NRG3: variants seen among roughly 807,000 people sequenced by gnomAD.
NRG3 encodes the protein neuregulin 3.
In NRG3, 31 loss-of-function variants were observed where a neutral mutation model predicts 66.9. The observed-to-expected ratio is 0.46, with a 90% CI of 0.35 to 0.63. The LOEUF is 0.63. Among genes scored for constraint, NRG3 ranks in the 20% least tolerant of loss-of-function variants. The pLI, the probability that NRG3 is intolerant of heterozygous loss-of-function variation, is 0.00. For synonymous variants in NRG3, 393 were observed against 359.4 expected (o/e 1.09, Z -1.06); for missense variants, 910 against 878.9 (o/e 1.04, Z -0.45).
At chr10:81,994,540 CT>C (rs61137718) in intron 1 of NRG3, among the ~76,000 whole-genome samples, 20,851 of 149,338 alleles carry the variant, frequency 0.14, 1,838 homozygotes, top group East Asian at 0.35. Flanking sequence ...CCTTTAACTG[CT>C]TTTTTTTTTC....
chr10:82,414,030 G>A (rs2088331163), intron 2 of NRG3, among the ~76,000 whole-genome samples: 1 of 152,062 alleles, frequency 6.6e-6, no homozygotes, highest in African/African-American at 2.4e-5. Flanking sequence ...GTTCATTGGA[G>A]TAGCACTTTT....
intron 2 of NRG3, among the ~76,000 whole-genome samples, chr10:82,582,882 G>A (rs1185871404): frequency 6.6e-6 from 1 of 152,076 alleles, no homozygotes; most frequent in Non-Finnish European, 1.5e-5. Context: ...CATCAAAGCA[G>A]TTTATTTTCA....
chr10:82,132,990 T>C (rs1367518567), intron 1 of NRG3, among the ~76,000 whole-genome samples: 1 of 151,992 alleles, frequency 6.6e-6, no homozygotes, highest in African/African-American at 2.4e-5. Context: ...TTTTGTTGAT[T>C]TTGTTTATTT....
chr10:82,598,834 A>G (rs2047440960), intron 2 of NRG3, among the ~76,000 whole-genome samples: 1 of 152,030 alleles, frequency 6.6e-6, no homozygotes, highest in Non-Finnish European at 1.5e-5. Context: ...CGGATCACCT[A>G]AGGTCAGGAG....
At chr10:82,860,487 C>T (rs1013444165) in intron 3 of NRG3, among the ~76,000 whole-genome samples, 1 of 152,158 alleles carries the variant, frequency 6.6e-6, no homozygotes, top group Admixed American at 6.5e-5. Flanking sequence ...ATCATGTTCC[C>T]AGCACTTATG....
chr10:82,976,747 C>T (rs184875935), intron 7 of NRG3, among the ~76,000 whole-genome samples: 1 of 152,134 alleles, frequency 6.6e-6, no homozygotes, highest in South Asian at 2.1e-4. Flanking sequence ...GCAGGGAGGA[C>T]AGTGAGGTCA....
Position 82,317,400 on chromosome 10 carries a change from A to T in NRG3, c.824-41339A>T, listed in dbSNP as rs141600303. 1.5e-4 allele frequency among the ~76,000 whole-genome samples: 23 copies of T among 152,206 alleles called. No individual in the cohort carries two copies. The East Asian group carries it at 4.4e-3, about 29-fold the overall frequency. On this transcript the variant is annotated intron_variant, in intron 1 of 8. Coordinates refer to ENST00000372141, the MANE Select transcript of NRG3 (RefSeq NM_001010848.4). The stretch of plus-strand genomic sequence containing the variant: ...AGGTATTTGGCACATTACTGGAATG[A>T]CATATTTGGTGAGTTAATGAATAAA...
intron 1 of NRG3, among the ~76,000 whole-genome samples, chr10:82,043,531 A>C (rs573297464): frequency 6.6e-6 from 1 of 152,120 alleles, no homozygotes; most frequent in Admixed American, 6.6e-5. Context: ...AAATAATCCC[A>C]GTCCTTAACT....
At chr10:82,715,632 A>G (rs1014954109) in intron 2 of NRG3, among the ~76,000 whole-genome samples, 20 of 152,220 alleles carry the variant, frequency 1.3e-4, no homozygotes, top group African/African-American at 4.3e-4. Flanking sequence ...TATCAGTGCT[A>G]TCAGGATTGC....
At chr10:82,436,963 T>C (rs1466108109) in intron 2 of NRG3, among the ~76,000 whole-genome samples, 1 of 152,180 alleles carries the variant, frequency 6.6e-6, no homozygotes, top group Non-Finnish European at 1.5e-5. Context: ...CTGGCTGCCC[T>C]TAACAGTTTT....
intron 1 of NRG3, among the ~76,000 whole-genome samples, chr10:82,040,026 G>A (rs933337724): frequency 5.4e-5 from 7 of 128,476 alleles, no homozygotes; most frequent in African/African-American, 1.5e-4. Context: ...GTTAATAAGG[G>A]TTAAGAAGGA....
At chr10:82,883,466 G>A (rs1487324263) in intron 4 of NRG3, among the ~76,000 whole-genome samples, 1 of 152,032 alleles carries the variant, frequency 6.6e-6, no homozygotes, top group African/African-American at 2.4e-5. Context: ...ACTAGAATTT[G>A]GGTACATTAA....
intron 1 of NRG3, among the ~76,000 whole-genome samples, chr10:82,350,028 G>A (rs375348818): frequency 4.6e-5 from 7 of 152,254 alleles, no homozygotes; most frequent in East Asian, 3.9e-4. Context: ...CGTCTTCTGC[G>A]TCGCTCACGC....
In NRG3 at chr10:81,875,252, A is replaced by AGCCCGC. The variant is rs898813138; in HGVS notation, c.-71_-66dup. The AGCCCGC allele has an allele frequency of 0.013, 10,024 of 798,552 alleles. 78 individuals carry two copies. The highest frequency in any genetic ancestry group is 0.015 in the Admixed American group (234 of 15,122). 49.5% of individuals were successfully genotyped at this position (798,552 alleles called of 1,614,324 possible). On this transcript the variant is annotated 5_prime_UTR_variant, in exon 1 of 9. Coordinates refer to ENST00000372141, the MANE Select transcript of NRG3 (RefSeq NM_001010848.4). This position sits in a 1 kb window ranked among gnomAD's most constrained non-coding sequence, Gnocchi z 5.3. ...CGCCCGAGCCCGCCGCCGCCGCCGG[A>AGCCCGC]GCCCGCGCCCGCGCCCGCGCCCGGC... is the stretch of plus-strand genomic sequence containing the variant.
intron 1 of NRG3, among the ~76,000 whole-genome samples, chr10:82,055,738 A>G (rs2063814788): frequency 6.6e-6 from 1 of 152,148 alleles, no homozygotes; most frequent in African/African-American, 2.4e-5. Context: ...GCGATGAAAA[A>G]TTTACAATGC....
At chr10:82,851,134 A>G (rs2063541262) in intron 3 of NRG3, among the ~76,000 whole-genome samples, 1 of 152,208 alleles carries the variant, frequency 6.6e-6, no homozygotes, top group Admixed American at 6.5e-5. Context: ...CTTAAGCTGT[A>G]TTATTATTTT....
intron 1 of NRG3, among the ~76,000 whole-genome samples, chr10:82,195,283 C>A (rs545790879): frequency 3.2e-4 from 49 of 152,266 alleles, no homozygotes; most frequent in African/African-American, 1.2e-3. Context: ...TCCATGGACA[C>A]GTGCAGTTGA....
chr10:82,008,877 A>G (rs1472992095), intron 1 of NRG3, among the ~76,000 whole-genome samples: 1 of 152,216 alleles, frequency 6.6e-6, no homozygotes, highest in African/African-American at 2.4e-5. Context: ...CCTTTCAGCC[A>G]GTATTCAGAG....
chr10:82,721,702 C>T (rs1408590524), intron 2 of NRG3, among the ~76,000 whole-genome samples: 1 of 152,204 alleles, frequency 6.6e-6, no homozygotes, highest in African/African-American at 2.4e-5. Context: ...GGATTACAGG[C>T]GTGAGCTACC....
Sources: gnomAD v4.1 joint callset for allele counts (sites outside exome capture counted in the v4.1 genomes callset) on GRCh38, gnomAD v4.1.1 for gene constraint, Gnocchi (gnomAD v3.1) non-coding constraint, MANE v1.5 for transcripts, NCBI Gene and HGNC (gene_info 2026-07-23, HGNC 2026-07-21) for gene names.